RNF19A: variants seen among roughly 807,000 people sequenced by gnomAD.
The protein encoded by RNF19A is E3 ubiquitin-protein ligase RNF19A.
A neutral mutation model predicts 75.7 loss-of-function variants in RNF19A; 32 were observed. The ratio of observed to expected loss-of-function variants is 0.42; its 90% CI spans 0.32 to 0.57. The LOEUF (loss-of-function observed/expected upper bound fraction) is 0.57. Ranked by LOEUF, RNF19A falls within the 20% of genes least tolerant of loss-of-function variation. The probability of loss-of-function intolerance (pLI) is 0.10; values close to 1 mark genes in which losing one functional copy is unlikely to be tolerated. For synonymous variants in RNF19A, 335 were observed against 345.2 expected (o/e 0.97, Z 0.33); for missense variants, 782 against 1,036.3 (o/e 0.75, Z 3.37).
Position 100,269,855 on chromosome 8 carries a change from T to C in RNF19A, c.1028+14A>G. The C allele has an allele frequency of 6.4e-7, 1 of 1,566,510 alleles. No homozygotes were observed. The highest frequency in any genetic ancestry group is 8.6e-7 in the Non-Finnish European group (1 of 1,159,594). ...ATTACATTTACATATAAATAGCTCC[T>C]TCTATAAGCTTACCTTAGATAATGC... On this transcript the variant is annotated intron_variant, in intron 4 of 9. Transcript: ENST00000341084. The surrounding 1 kb of genome is among the most constrained non-coding windows in gnomAD (Gnocchi z 5.7).
intron 1 of RNF19A, among the ~76,000 whole-genome samples, chr8:100,321,952 C>T (rs1158701459): frequency 3.9e-5 from 6 of 152,016 alleles, no homozygotes; most frequent in Admixed American, 1.3e-4. Flanking sequence ...TTTGTTGTTC[C>T]GTTTCTAGAG....
upstream of RNF19A, among the ~76,000 whole-genome samples, chr8:100,314,593 C>G (rs1002682937): frequency 6.6e-6 from 1 of 152,126 alleles, no homozygotes; most frequent in Admixed American, 6.5e-5. The surrounding 1 kb of genome is among the most constrained non-coding windows in gnomAD (Gnocchi z 4.1). Context: ...TGTCTTCCTT[C>G]TCTTCTCTTT....
At chr8:100,328,083 G>C (rs770405294) in intron 1 of RNF19A, among the ~76,000 whole-genome samples, 1 of 152,086 alleles carries the variant, frequency 6.6e-6, no homozygotes, top group Non-Finnish European at 1.5e-5. Flanking sequence ...TATGGGAGGC[G>C]AGATGAAAGG....
Position 100,261,838 on chromosome 8 carries a change from G to T in RNF19A, c.1469-83C>A. The T allele has an allele frequency of 7.4e-7, 1 of 1,358,652 alleles. No homozygotes were observed. Among genetic ancestry groups the T allele is most frequent in the Non-Finnish European group, 1.1e-6 (1 of 951,090 alleles). The allele number at this position is 1,358,652 out of a possible 1,614,324, so 84.2% of individuals were successfully genotyped here. A position where few individuals can be genotyped will look rare whatever the true frequency, so the allele number is the denominator to read the frequency against. On this transcript the variant is annotated intron_variant, in intron 7 of 9. Transcript: ENST00000341084. This position sits in a 1 kb window ranked among gnomAD's most constrained non-coding sequence, Gnocchi z 4.4. ...TAAATTCCTCCATGATTTCAGAGAGGACATTATATAAGGTATAAAATATAC... is the reference window on the plus strand; with the variant it reads ...TAAATTCCTCCATGATTTCAGAGAGTACATTATATAAGGTATAAAATATAC...
At chr8:100,316,940 G>A (rs910718773) in intron 1 of RNF19A, among the ~76,000 whole-genome samples, 1 of 152,228 alleles carries the variant, frequency 6.6e-6, no homozygotes, top group South Asian at 2.1e-4. Context: ...GCTAAGGGTC[G>A]GTGAGAAATC....
intron 1 of RNF19A, among the ~76,000 whole-genome samples, chr8:100,321,189 T>G (rs534322011): frequency 1.6e-4 from 25 of 152,392 alleles, no homozygotes; most frequent in African/African-American, 5.5e-4. Flanking sequence ...GCACTGCTGC[T>G]TGGCAGCATT....
intron 1 of RNF19A, among the ~76,000 whole-genome samples, chr8:100,308,694 A>G (rs2130246403): frequency 6.6e-6 from 1 of 152,338 alleles, no homozygotes; most frequent in African/African-American, 2.4e-5. Flanking sequence ...TTCTTTAAAA[A>G]AAAAAAATGT....
At chr8:100,300,855 T>C (rs1344502027) in intron 1 of RNF19A, among the ~76,000 whole-genome samples, 1 of 152,080 alleles carries the variant, frequency 6.6e-6, no homozygotes, top group Non-Finnish European at 1.5e-5. Flanking sequence ...GTCAAGAAGA[T>C]ACAAAGAGTG....
rs929600857 is a variant in RNF19A at position 100,261,800 on chromosome 8, A to G, written c.1469-45T>C. 2 of 1,566,910 alleles carry G rather than the reference A, an allele frequency of 1.3e-6. No individual in the cohort carries two copies. Among genetic ancestry groups the G allele is most frequent in the East Asian group, 2.2e-5 (1 of 44,660 alleles). Reference sequence around the variant, plus strand: ...AGAAACTAAGTAAGTATGATTATCAATTTTCTCCTTCTTAAATTCCTCCAT... The same window carrying G: ...AGAAACTAAGTAAGTATGATTATCAGTTTTCTCCTTCTTAAATTCCTCCAT... On this transcript the variant is annotated intron_variant, in intron 7 of 9. Coordinates refer to ENST00000341084, the MANE Select transcript of RNF19A (RefSeq NM_183419.4). The surrounding 1 kb of genome is among the most constrained non-coding windows in gnomAD (Gnocchi z 4.4).
chr8:100,260,154 GCACA>G lies in RNF19A; in HGVS notation c.1683-161_1683-158del. ...TTTATTTAATTTAAATTCTACTGCA[GCACA>G]CTGCATAGTACCAGCCATCCAAATA... On this transcript the variant is annotated intron_variant, in intron 8 of 9. Coordinates refer to ENST00000341084, the MANE Select transcript of RNF19A (RefSeq NM_183419.4). This position sits in a 1 kb window ranked among gnomAD's most constrained non-coding sequence, Gnocchi z 4.1. 3.1e-6 allele frequency: 2 copies of G among 646,996 alleles called. No individual in the cohort carries two copies. The highest frequency in any genetic ancestry group is 5.2e-6 in the Non-Finnish European group (2 of 384,896). 40.1% of individuals were successfully genotyped at this position (646,996 alleles called of 1,614,324 possible).
chr8:100,264,013 T>A lies in RNF19A; in HGVS notation c.1468+21A>T, dbSNP rs1258110395. The A allele has an allele frequency of 6.2e-7, 1 of 1,602,240 alleles. No individual in the cohort carries two copies. Among genetic ancestry groups the A allele is most frequent in the Admixed American group, 1.7e-5 (1 of 58,330 alleles). ...TACACTGTTAATAAGCACATTTTCT[T>A]CCTTTGCTTAAAGGACTTACCTACA... On this transcript the variant is annotated intron_variant, in intron 7 of 9. Transcript: ENST00000341084. This position sits in a 1 kb window ranked among gnomAD's most constrained non-coding sequence, Gnocchi z 4.7.
chr8:100,309,994 G>T (rs904413934), upstream of RNF19A: 2 of 985,616 alleles, frequency 2.0e-6, no homozygotes, highest in Non-Finnish European at 1.2e-6. Context: ...CCTCTCAACC[G>T]GGGCGGAGAC....
chr8:100,263,526 TGACAAATTTCTAAAACAAGAATTG>T (rs1563833071), intron 7 of RNF19A, among the ~76,000 whole-genome samples: 1 of 152,218 alleles, frequency 6.6e-6, no homozygotes, highest in Non-Finnish European at 1.5e-5. Context: ...TATTTCCCTA[TGACAAATTTCTAAAACAAGAATTG>T]CTAGAATATA....
chr8:100,319,547 T>TG (rs1822434501), intron 1 of RNF19A, among the ~76,000 whole-genome samples: 1 of 142,470 alleles, frequency 7.0e-6, no homozygotes, highest in Admixed American at 6.8e-5. Flanking sequence ...TTTTTTTTTT[T>TG]GAGACAGAGT....
intron 3 of RNF19A, among the ~76,000 whole-genome samples, chr8:100,274,093 T>C (rs1265661806): frequency 6.6e-6 from 1 of 152,188 alleles, no homozygotes; most frequent in Non-Finnish European, 1.5e-5. Flanking sequence ...CCAGTATCTT[T>C]ATTTTAAAGA....
At chr8:100,268,978 G>A (rs773360206) in intron 4 of RNF19A, 31 bp from the exon 5 acceptor site, 1 of 1,515,534 alleles carries the variant, frequency 6.6e-7, no homozygotes, top group Non-Finnish European at 8.9e-7. Context: ...GTAAATAACT[G>A]CTGCAAAACA....
rs1319480388 is a variant in RNF19A at position 100,280,585 on chromosome 8, T to TTTTTTTTTACTTTAATAAATATTTGGTCA, written c.675-5425_675-5424insTGACCAAATATTTATTAAAGTAAAAAAAA. 3.3e-5 allele frequency among the ~76,000 whole-genome samples: 5 copies of TTTTTTTTTACTTTAATAAATATTTGGTCA among 152,148 alleles called. 1 individual carries two copies. In the East Asian group the frequency reaches 5.8e-4, roughly 18 times the overall value. ...TTTATACAAATTCCGAAGAAAAACA[T>TTTTTTTTTACTTTAATAAATATTTGGTCA]GTTTACTTTAATAATACTGACCAAA... On this transcript the variant is annotated intron_variant, in intron 2 of 9. Transcript: ENST00000341084.
At chr8:100,278,036 CA>C (rs1248166973) in intron 2 of RNF19A, among the ~76,000 whole-genome samples, 1 of 152,172 alleles carries the variant, frequency 6.6e-6, no homozygotes, top group Non-Finnish European at 1.5e-5. Flanking sequence ...TTAGCGTGGC[CA>C]GTTCAAATTC....
chr8:100,286,198 T>C (rs1821009183), intron 2 of RNF19A, among the ~76,000 whole-genome samples: 1 of 152,182 alleles, frequency 6.6e-6, no homozygotes, highest in Non-Finnish European at 1.5e-5. Context: ...TATTCATTAT[T>C]CCTATTTTCT....
Sources: gnomAD v4.1 joint callset for allele counts (sites outside exome capture counted in the v4.1 genomes callset) on GRCh38, gnomAD v4.1.1 for gene constraint, Gnocchi (gnomAD v3.1) non-coding constraint, MANE v1.5 for transcripts, NCBI Gene and HGNC (gene_info 2026-07-23, HGNC 2026-07-21) for gene names.